The following PRSS55 variants were observed in gnomAD, a reference collection of about 807,000 sequenced individuals.
The protein encoded by PRSS55 is serine protease 55, also known as probable serine protease UNQ9391/PRO34284.
A neutral mutation model predicts 23.6 loss-of-function variants in PRSS55; 41 were observed. That is an observed-to-expected ratio of 1.74 (90% CI 1.35 to 2.26). The LOEUF is 2.26. Among genes scored for constraint, PRSS55 ranks in the 30% most tolerant of loss-of-function variants. PRSS55 has a pLI of 0.00. For missense variants in PRSS55, 669 were observed against 439.1 expected (o/e 1.52, Z -4.68); for synonymous variants, 262 against 175.5 (o/e 1.49, Z -3.90).
chr8:10,541,927 C>T (rs948609334), downstream of PRSS55, among the ~76,000 whole-genome samples: 1 of 152,108 alleles, frequency 6.6e-6, no homozygotes, highest in African/African-American at 2.4e-5. Flanking sequence ...GCGCACATCA[C>T]CACACCTGGC....
downstream of PRSS55, among the ~76,000 whole-genome samples, chr8:10,543,450 TC>T (rs1563547326): frequency 4.4e-5 from 1 of 22,720 alleles, no homozygotes; most frequent in Admixed American, 6.1e-4. Context: ...CTTCCATCCT[TC>T]CTTCCTTCCT....
chr8:10,551,513 C>T (rs1409239661), intron 4 of PRSS55, among the ~76,000 whole-genome samples: 1 of 152,184 alleles, frequency 6.6e-6, no homozygotes, highest in African/African-American at 2.4e-5. Flanking sequence ...GAGGCATGAA[C>T]TGAGGACACA....
At chr8:10,539,957 G>A (rs374167398), downstream of PRSS55, among the ~76,000 whole-genome samples, 16 of 151,874 alleles carry the variant, frequency 1.1e-4, no homozygotes, top group East Asian at 5.8e-4. Context: ...CCTTTCCCTC[G>A]CCTCTCAAGC....
intron 4 of PRSS55, among the ~76,000 whole-genome samples, chr8:10,537,084 T>G (rs1163910187): frequency 1.3e-5 from 2 of 152,042 alleles, no homozygotes; most frequent in African/African-American, 4.8e-5. Flanking sequence ...CTAAAAAAAT[T>G]AAAAATAGAA....
intron 4 of PRSS55, among the ~76,000 whole-genome samples, chr8:10,553,646 G>A (rs1812999299): frequency 6.6e-6 from 1 of 152,086 alleles, no homozygotes; most frequent in African/African-American, 2.4e-5. Flanking sequence ...GACCCGGAGG[G>A]GGAAATGGTC....
downstream of PRSS55, among the ~76,000 whole-genome samples, chr8:10,542,620 C>T (rs1286505840): frequency 6.6e-6 from 1 of 151,852 alleles, no homozygotes; most frequent in Non-Finnish European, 1.5e-5. Context: ...CTAATCCCAG[C>T]ACTTTGGGAG....
chr8:10,539,053 GAA>G (rs796471138), downstream of PRSS55, among the ~76,000 whole-genome samples: 7 of 133,988 alleles, frequency 5.2e-5, no homozygotes, highest in African/African-American at 1.4e-4. Flanking sequence ...ACATATAACA[GAA>G]AAAAAAAAAA....
chr8:10,550,411 C>G (rs979918121), intron 4 of PRSS55, among the ~76,000 whole-genome samples: 1 of 152,212 alleles, frequency 6.6e-6, no homozygotes, highest in African/African-American at 2.4e-5. Context: ...GCCTCATAAG[C>G]CTGTACTAGT....
chr8:10,538,909 G>T, downstream of PRSS55: 3 of 1,053,958 alleles, frequency 2.8e-6, no homozygotes, highest in Non-Finnish European at 4.1e-6. Flanking sequence ...GGGACCAGGA[G>T]GACCAGAGAG....
chr8:10,547,156 C>T (rs1415003341), intron 4 of PRSS55, among the ~76,000 whole-genome samples: 1 of 152,184 alleles, frequency 6.6e-6, no homozygotes, highest in African/African-American at 2.4e-5. Context: ...TTTATAGCTC[C>T]GCAATTCCCG....
At chr8:10,526,860 G>T (rs1441383367) in intron 1 of PRSS55, among the ~76,000 whole-genome samples, 1 of 152,186 alleles carries the variant, frequency 6.6e-6, no homozygotes, top group East Asian at 1.9e-4. Context: ...AATGAAGAAA[G>T]GGGGGTGGGT....
chr8:10,538,071 C>A (rs755399108), intron 4 of PRSS55, among the ~76,000 whole-genome samples: 31 of 152,280 alleles, frequency 2.0e-4, no homozygotes, highest in Non-Finnish European at 4.0e-4. Flanking sequence ...CAGTTCTTAG[C>A]CCTGCAACAC....
At chr8:10,551,197 T>C (rs997399117) in intron 4 of PRSS55, among the ~76,000 whole-genome samples, 3 of 152,174 alleles carry the variant, frequency 2.0e-5, no homozygotes, top group African/African-American at 4.8e-5. Flanking sequence ...TGGCTGAAGG[T>C]TGAAAGGCAC....
At chr8:10,536,047 G>A (rs1359729960) in intron 4 of PRSS55, among the ~76,000 whole-genome samples, 6 of 152,152 alleles carry the variant, frequency 3.9e-5, no homozygotes, top group Non-Finnish European at 7.3e-5. Context: ...TTAGCCGGGC[G>A]TGGTGGTGGG....
intron 4 of PRSS55, among the ~76,000 whole-genome samples, chr8:10,548,038 G>A (rs932423554): frequency 1.3e-5 from 2 of 152,156 alleles, no homozygotes; most frequent in Admixed American, 1.3e-4. Flanking sequence ...GCAGAGACCT[G>A]GAGGACAGGA....
chr8:10,533,133 A>G, intron 4 of PRSS55, 85 bp downstream of exon 4: 1 of 1,421,012 alleles, frequency 7.0e-7, no homozygotes, highest in Non-Finnish European at 9.7e-7. Context: ...TCTGCTGCAA[A>G]TAGACAATTC....
At position 10,538,498 on chromosome 8, in the gene PRSS55, TC is replaced by T; in HGVS notation, c.765del (p.Cys256AlafsTer15). On this transcript the variant is annotated frameshift_variant, in exon 5 of 5. Coordinates refer to ENST00000328655, the MANE Select transcript of PRSS55 (RefSeq NM_198464.4). LOFTEE classifies it low-confidence loss of function (END_TRUNC). ...CAGGGTGACAGTGGGGGGCCTCTGG[TC>T]TGCACCCCAGAGCCTGGTGAGAAGT... Reference protein sequence around the residue: ...ACKGDSGGPLVCTPEPGEKWY... With the variant: ...ACKGDSGGPLXCTPEPGEKWY... 1 of 1,613,532 alleles carries T rather than the reference TC, an allele frequency of 6.2e-7. No homozygotes were observed. Among genetic ancestry groups the T allele is most frequent in the Non-Finnish European group, 8.5e-7 (1 of 1,179,786 alleles).
chr8:10,553,005 T>G (rs935031901), intron 4 of PRSS55, among the ~76,000 whole-genome samples: 2 of 152,218 alleles, frequency 1.3e-5, no homozygotes, highest in South Asian at 4.1e-4. Flanking sequence ...AGACATGAGA[T>G]GTGGTTTAGT....
In PRSS55 at chr8:10,553,938, T is replaced by A. The variant is rs970059358; in HGVS notation, c.742-5T>A. 1.7e-5 allele frequency: 25 copies of A among 1,489,684 alleles called. No homozygotes were observed. In the African/African-American group the frequency reaches 3.1e-4, roughly 19 times the overall value. 92.3% of individuals were successfully genotyped at this position (1,489,684 alleles called of 1,614,324 possible). A position where few individuals can be genotyped will look rare whatever the true frequency, so the allele number is the denominator to read the frequency against. On this transcript the variant is annotated splice_region_variant and splice_polypyrimidine_tract_variant and intron_variant, in intron 4 of 4. Transcript: ENST00000522210. ...TAATTTGTCAATTTAATTTTTTTTT[T>A]AAAGCAAAGCTATTTTCCCACTTTA...
Sources: gnomAD v4.1 joint callset for allele counts (sites outside exome capture counted in the v4.1 genomes callset) on GRCh38, gnomAD v4.1.1 for gene constraint, MANE v1.5 for transcripts, NCBI Gene and HGNC (gene_info 2026-07-23, HGNC 2026-07-21) for gene names.